The following TENM3 variants were observed in gnomAD, a reference collection of about 807,000 sequenced individuals.
The protein encoded by TENM3 is teneurin-3.
TENM3 carries 63 observed loss-of-function variants against 255.1 expected under a neutral mutation model. The observed-to-expected ratio is 0.25, with a 90% confidence interval of 0.20 to 0.30. The LOEUF (loss-of-function observed/expected upper bound fraction) is 0.30, where lower values mean the gene tolerates loss of function less well. Ranked by LOEUF, TENM3 falls within the 10% of genes least tolerant of loss-of-function variation. TENM3 has a pLI of 1.00. For synonymous variants in TENM3, 1,306 were observed against 1,322.3 expected (o/e 0.99, Z 0.27); for missense variants, 2,929 against 3,461.1 (o/e 0.85, Z 3.86).
intron 3 of TENM3, among the ~76,000 whole-genome samples, chr4:182,419,462 C>T (rs1312414812): frequency 2.0e-5 from 3 of 152,158 alleles, no homozygotes; most frequent in African/African-American, 4.8e-5. Context: ...GTCAGTGTGG[C>T]GATTCCTCAA....
the TENM3 span, among the ~76,000 whole-genome samples, chr4:182,068,075 A>G: frequency 6.6e-6 from 1 of 152,142 alleles, no homozygotes; most frequent in Non-Finnish European, 1.5e-5. Context: ...CCCAATTTAG[A>G]CAGATGTTGA....
chr4:182,584,379 A>T (rs1176088054), intron 3 of TENM3, among the ~76,000 whole-genome samples: 1 of 152,196 alleles, frequency 6.6e-6, no homozygotes, highest in Non-Finnish European at 1.5e-5. Context: ...CTTCATCTTT[A>T]CATTTTTACA....
At chr4:182,741,169 C>A (rs1579306795) in intron 18 of TENM3, among the ~76,000 whole-genome samples, 1 of 152,102 alleles carries the variant, frequency 6.6e-6, no homozygotes, top group Non-Finnish European at 1.5e-5. Flanking sequence ...GAGCAAGACT[C>A]CATCTCAAAA....
intron 10 of TENM3, 85 bp downstream of exon 10, chr4:182,680,822 C>T (rs2152565777): frequency 9.7e-7 from 1 of 1,030,748 alleles, no homozygotes; most frequent in Non-Finnish European, 1.3e-6. Context: ...GGGCAGATCT[C>T]TTTTATACGC....
At chr4:182,061,623 G>A in the TENM3 span, among the ~76,000 whole-genome samples, 1 of 151,972 alleles carries the variant, frequency 6.6e-6, no homozygotes, top group Non-Finnish European at 1.5e-5. Flanking sequence ...AAATCAGTGG[G>A]AACTGCCTTA....
intron 4 of TENM3, among the ~76,000 whole-genome samples, chr4:182,621,679 A>T (rs1006793533): frequency 0.044 from 1,063 of 24,078 alleles, 41 homozygotes; most frequent in Non-Finnish European, 0.064. Flanking sequence ...TATATATATA[A>T]AATATATAAT....
intron 3 of TENM3, among the ~76,000 whole-genome samples, chr4:182,521,456 A>T (rs11132135): frequency 0.9 from 137,535 of 152,246 alleles, 62,266 homozygotes; most frequent in East Asian, 0.99. Context: ...TTCATACTGC[A>T]ATATTTGCAT....
the TENM3 span, among the ~76,000 whole-genome samples, chr4:182,026,219 A>G: frequency 0.13 from 19,888 of 152,106 alleles, 1,462 homozygotes; most frequent in Non-Finnish European, 0.17. Flanking sequence ...AATCCACTCT[A>G]TCATTGATGG....
chr4:182,359,629 G>C (rs866686078), intron 3 of TENM3, among the ~76,000 whole-genome samples: 14 of 139,230 alleles, frequency 1.0e-4, no homozygotes, highest in African/African-American at 3.1e-4. Context: ...TATTAGTCTT[G>C]CTAGCAGTCT....
At chr4:181,927,978 A>C in the TENM3 span, among the ~76,000 whole-genome samples, 1 of 152,208 alleles carries the variant, frequency 6.6e-6, no homozygotes, top group South Asian at 2.1e-4. Context: ...AAGGAATAGA[A>C]TCAACATCAA....
chr4:182,451,183 A>G (rs1198988885), intron 3 of TENM3, among the ~76,000 whole-genome samples: 1 of 152,224 alleles, frequency 6.6e-6, no homozygotes, highest in Non-Finnish European at 1.5e-5. Context: ...TATTTAAAGT[A>G]TTCAGCAGAT....
the TENM3 span, among the ~76,000 whole-genome samples, chr4:182,118,853 G>A: frequency 6.6e-6 from 1 of 152,082 alleles, no homozygotes; most frequent in African/African-American, 2.4e-5. Context: ...GATTTGATTT[G>A]CTAATACTTT....
rs116078815 is a variant in TENM3, at chr4:182,512,017, C to T, written c.512-88907C>T. 3.9e-3 allele frequency among the ~76,000 whole-genome samples: 591 copies of T among 152,258 alleles called. 2 individuals are homozygous for T. Among genetic ancestry groups the T allele is most frequent in the Middle Eastern group, 6.8e-3 (2 of 294 alleles). ...CTGTAAGTAGCAAAAGAAGACTCTA[C>T]CCAGGTAGATCAGACATTCTCATCA... is the stretch of plus-strand genomic sequence containing the variant. On this transcript the variant is annotated intron_variant, in intron 3 of 27. Transcript: ENST00000511685.
At chr4:181,966,573 C>G in the TENM3 span, among the ~76,000 whole-genome samples, 1 of 152,110 alleles carries the variant, frequency 6.6e-6, no homozygotes, top group African/African-American at 2.4e-5. Context: ...GAATAAAATG[C>G]GAGCTGAAAT....
chr4:181,769,119 T>A, the TENM3 span, among the ~76,000 whole-genome samples: 1 of 152,162 alleles, frequency 6.6e-6, no homozygotes, highest in African/African-American at 2.4e-5. Context: ...AGCCACGATT[T>A]TAAGGGGGTC....
the TENM3 span, among the ~76,000 whole-genome samples, chr4:181,448,277 CTG>C: frequency 7.0e-6 from 1 of 143,656 alleles, no homozygotes; most frequent in African/African-American, 2.6e-5. Context: ...CGCCATTCTC[CTG>C]CCTCAGCCTC....
chr4:182,393,170 A>T (rs1479885792), intron 3 of TENM3, among the ~76,000 whole-genome samples: 2 of 152,232 alleles, frequency 1.3e-5, no homozygotes, highest in Non-Finnish European at 2.9e-5. Context: ...AAATCTTTAC[A>T]TCTGAATCCT....
chr4:182,045,274 G>A, the TENM3 span, among the ~76,000 whole-genome samples: 1 of 152,040 alleles, frequency 6.6e-6, no homozygotes, highest in Non-Finnish European at 1.5e-5. Context: ...GAATCCTGAG[G>A]AGGGTCTGTA....
chr4:182,281,579 T>C (rs1760387881), intron 1 of TENM3, among the ~76,000 whole-genome samples: 1 of 152,088 alleles, frequency 6.6e-6, no homozygotes, highest in Admixed American at 6.6e-5. Context: ...GGTCTTGTAC[T>C]CCTGGGCTCA....
Sources: allele counts gnomAD v4.1 joint callset (sites outside exome capture counted in the v4.1 genomes callset), GRCh38; gene constraint gnomAD v4.1.1; transcripts MANE v1.5; gene names NCBI Gene and HGNC (gene_info 2026-07-23, HGNC 2026-07-21).